GCNT2: variants seen among roughly 807,000 people sequenced by gnomAD.
GCNT2 encodes glucosaminyl (N-acetyl) transferase 2 (I blood group).
A neutral mutation model predicts 34.2 loss-of-function variants in GCNT2; 34 were observed. That is an observed-to-expected ratio of 1.00 (90% CI 0.76 to 1.32). The LOEUF (loss-of-function observed/expected upper bound fraction) is 1.32, where lower values mean the gene tolerates loss of function less well. Among genes scored for constraint, GCNT2 ranks in the 40% most tolerant of loss-of-function variants. The probability of loss-of-function intolerance (pLI) is 0.00; values close to 1 mark genes in which losing one functional copy is unlikely to be tolerated. For synonymous variants in GCNT2, 212 were observed against 188.0 expected (o/e 1.13, Z -1.04); for missense variants, 584 against 489.4 (o/e 1.19, Z -1.82).
intron 3 of GCNT2, among the ~76,000 whole-genome samples, chr6:10,559,976 C>T (rs922887712): frequency 6.6e-6 from 1 of 152,220 alleles, no homozygotes; most frequent in East Asian, 1.9e-4. Context: ...AGTGGAAAAT[C>T]TAATCCCACG....
intron 3 of GCNT2, among the ~76,000 whole-genome samples, chr6:10,532,096 G>A (rs1251935064): frequency 6.6e-6 from 1 of 152,112 alleles, no homozygotes; most frequent in Non-Finnish European, 1.5e-5. Context: ...CCTCAATGGT[G>A]AGCAAAGCCA....
chr6:10,564,943 TTGA>T (rs1763211855), intron 3 of GCNT2, among the ~76,000 whole-genome samples: 1 of 151,712 alleles, frequency 6.6e-6, no homozygotes, highest in Non-Finnish European at 1.5e-5. Context: ...ATCATTAGAG[TTGA>T]TGAGAAATGC....
Position 10,605,208 on chromosome 6 carries a change from ATTTTTT to A in GCNT2, c.926-16123_926-16118del, listed in dbSNP as rs869167781. Among the ~76,000 whole-genome samples, 474 of 94,214 alleles carry A rather than the reference ATTTTTT, an allele frequency of 5.0e-3. 2 individuals carry two copies. The highest frequency in any genetic ancestry group is 0.016 in the African/African-American group (372 of 22,584). 61.8% of individuals were successfully genotyped at this position (94,214 alleles called of 152,430 possible). On this transcript the variant is annotated intron_variant, in intron 3 of 4. Coordinates refer to ENST00000495262, the MANE Select transcript of GCNT2 (RefSeq NM_145649.5). ...AACCACATATTGCTTTCATGTAGGA[ATTTTTT>A]TTTTTTTTTTTTTTTTTTTGAGACA...
intron 3 of GCNT2, among the ~76,000 whole-genome samples, chr6:10,616,446 C>G (rs1229438904): frequency 2.0e-5 from 3 of 152,216 alleles, no homozygotes; most frequent in African/African-American, 4.8e-5. Flanking sequence ...TGGCCCCACC[C>G]ACATCCTGCT....
intron 3 of GCNT2, among the ~76,000 whole-genome samples, chr6:10,612,059 T>TCACTGCAACCTCTGCC (rs1765585016): frequency 6.6e-6 from 1 of 152,058 alleles, no homozygotes; most frequent in African/African-American, 2.4e-5. Context: ...CAATCTCGGC[T>TCACTGCAACCTCTGCC]CACTGCAACC....
chr6:10,571,828 C>T (rs763605176), intron 3 of GCNT2, among the ~76,000 whole-genome samples: 1 of 152,150 alleles, frequency 6.6e-6, no homozygotes, highest in Non-Finnish European at 1.5e-5. Flanking sequence ...CAGTGGTTCA[C>T]GGAAATGTGA....
In GCNT2 at chr6:10,528,654, G is replaced by C. The variant is rs935241451; in HGVS notation, c.-258G>C. ...AGACACAGGTTGCAGGTTAGCAGGA[G>C]AACAGGCAAGCCAAATGCAAAGGAG... On this transcript the variant is annotated 5_prime_UTR_variant, in exon 3 of 5. Coordinates refer to ENST00000495262, the MANE Select transcript of GCNT2 (RefSeq NM_145649.5). 7.4e-6 allele frequency: 4 copies of C among 540,202 alleles called. No homozygotes were observed. In the African/African-American group the frequency reaches 7.6e-5, roughly 10 times the overall value. The allele number at this position is 540,202 out of a possible 1,614,324, so 33.5% of individuals were successfully genotyped here.
intron 3 of GCNT2, among the ~76,000 whole-genome samples, chr6:10,606,208 G>C (rs544007644): frequency 9.2e-5 from 14 of 152,238 alleles, no homozygotes; most frequent in African/African-American, 3.4e-4. Flanking sequence ...CCGACTACTC[G>C]GGAGGCTGAG....
chr6:10,538,021 C>T (rs1027450636), intron 3 of GCNT2, among the ~76,000 whole-genome samples: 3 of 152,020 alleles, frequency 2.0e-5, no homozygotes, highest in African/African-American at 7.2e-5. Context: ...TCCTACCGCA[C>T]CTCGTTAGCC....
At position 10,627,125 on chromosome 6, in the gene GCNT2, T is replaced by G. The variant is rs528459841; in HGVS notation, c.*518T>G. On this transcript the variant is annotated 3_prime_UTR_variant, in exon 5 of 5. Coordinates refer to ENST00000495262, the MANE Select transcript of GCNT2 (RefSeq NM_145649.5). ...CTACCTGAATGGAGAATACATCTTG[T>G]TTCTGAGTTTCAACACTAGCATTTT... 3.1e-5 allele frequency: 5 copies of G among 160,890 alleles called. No individual in the cohort carries two copies. The highest frequency in any genetic ancestry group is 1.2e-4 in the African/African-American group (5 of 41,620). The allele number at this position is 160,890 out of a possible 1,614,324, so 10.0% of individuals were successfully genotyped here.
At chr6:10,571,981 C>A (rs2127397342) in intron 3 of GCNT2, among the ~76,000 whole-genome samples, 1 of 152,258 alleles carries the variant, frequency 6.6e-6, no homozygotes, top group South Asian at 2.1e-4. Flanking sequence ...ATCAGTAATA[C>A]CTTCAGTAGT....
Position 10,591,843 on chromosome 6 carries a change from C to T in GCNT2, c.926-29508C>T, listed in dbSNP as rs755869467. On this transcript the variant is annotated intron_variant, in intron 3 of 4. Transcript: ENST00000495262. ...AGAAACTCAAAACGTCTCTCCAGCT[C>T]TCAACAACTGTAAACACTGAGCTAT... Among the ~76,000 whole-genome samples, 50 of 152,354 alleles carry T rather than the reference C, an allele frequency of 3.3e-4. 1 individual carries two copies. Among genetic ancestry groups the T allele is most frequent in the Non-Finnish European group, 4.4e-4 (30 of 68,032 alleles).
At chr6:10,591,826 A>T (rs1764659041) in intron 3 of GCNT2, among the ~76,000 whole-genome samples, 1 of 152,250 alleles carries the variant, frequency 6.6e-6, no homozygotes, top group South Asian at 2.1e-4. Flanking sequence ...AAAGAAACTC[A>T]AAACGTCTCT....
intron 3 of GCNT2, among the ~76,000 whole-genome samples, chr6:10,550,489 A>C (rs1269563595): frequency 6.6e-6 from 1 of 151,814 alleles, no homozygotes; most frequent in Non-Finnish European, 1.5e-5. Flanking sequence ...ACCAAAATGC[A>C]AATTATTATT....
intron 3 of GCNT2, among the ~76,000 whole-genome samples, chr6:10,583,807 T>A (rs893334218): frequency 2.0e-5 from 3 of 152,164 alleles, no homozygotes; most frequent in African/African-American, 7.2e-5. Context: ...TCACTCCACA[T>A]ATTGTAGATA....
At chr6:10,543,852 TAGTA>T (rs1267804646) in intron 3 of GCNT2, among the ~76,000 whole-genome samples, 8 of 152,158 alleles carry the variant, frequency 5.3e-5, no homozygotes, top group Admixed American at 5.2e-4. Flanking sequence ...GACGCCCAGC[TAGTA>T]AGTGTCAGTG....
intron 3 of GCNT2, among the ~76,000 whole-genome samples, chr6:10,579,592 G>A (rs922332188): frequency 1.3e-5 from 2 of 152,120 alleles, no homozygotes; most frequent in East Asian, 3.9e-4. Context: ...GAGGCGGGTG[G>A]ATCACTTGAG....
At chr6:10,561,234 C>G (rs552991481) in intron 3 of GCNT2, among the ~76,000 whole-genome samples, 14 of 152,290 alleles carry the variant, frequency 9.2e-5, no homozygotes, top group Non-Finnish European at 1.8e-4. Context: ...ACGATCTTGG[C>G]TCACCGCAAC....
chr6:10,564,266 C>T (rs1763178615), intron 3 of GCNT2, among the ~76,000 whole-genome samples: 1 of 152,140 alleles, frequency 6.6e-6, no homozygotes, highest in South Asian at 2.1e-4. Context: ...GTGCCCTGTT[C>T]CAAAAGCAGG....
Sources: allele counts gnomAD v4.1 joint callset (sites outside exome capture counted in the v4.1 genomes callset), GRCh38; gene constraint gnomAD v4.1.1; transcripts MANE v1.5; gene names NCBI Gene and HGNC (gene_info 2026-07-23, HGNC 2026-07-21).